The following FAM117B variants were observed in gnomAD, a reference collection of about 807,000 sequenced individuals.
The protein encoded by FAM117B is family with sequence similarity 117 member B.
Under a neutral mutation model 52.8 loss-of-function variants are expected in FAM117B, and 22 were observed. That is an observed-to-expected ratio of 0.42 (90% CI 0.30 to 0.59). The LOEUF (loss-of-function observed/expected upper bound fraction) is 0.59. Among genes scored for constraint, FAM117B ranks in the 20% least tolerant of loss-of-function variants. FAM117B has a pLI of 0.22. For missense variants in FAM117B, 678 were observed against 802.6 expected (o/e 0.84, Z 1.88); for synonymous variants, 309 against 324.1 (o/e 0.95, Z 0.50).
intron 1 of FAM117B, among the ~76,000 whole-genome samples, chr2:202,657,142 C>T (rs1293761754): frequency 1.3e-5 from 2 of 152,120 alleles, no homozygotes; most frequent in African/African-American, 2.4e-5. Context: ...GGCTGGAGTG[C>T]AGTGGCATGA....
At chr2:202,645,425 G>C (rs1449122012) in intron 1 of FAM117B, among the ~76,000 whole-genome samples, 2 of 151,324 alleles carry the variant, frequency 1.3e-5, no homozygotes, top group Non-Finnish European at 2.9e-5. Flanking sequence ...GAGTAGCTGG[G>C]ACTACAGGCG....
At chr2:202,747,560 A>C (rs1025620695) in intron 4 of FAM117B, among the ~76,000 whole-genome samples, 1 of 152,186 alleles carries the variant, frequency 6.6e-6, no homozygotes, top group African/African-American at 2.4e-5. Context: ...AAGAACCAAA[A>C]GACTACAAAA....
intron 1 of FAM117B, among the ~76,000 whole-genome samples, chr2:202,654,527 G>A (rs10176184): frequency 0.09 from 13,665 of 151,912 alleles, 2,072 homozygotes; most frequent in African/African-American, 0.31. Flanking sequence ...GGAAAATTGT[G>A]TATTTCTAGT....
chr2:202,662,118 A>G (rs1039933994), intron 1 of FAM117B, among the ~76,000 whole-genome samples: 54 of 127,940 alleles, frequency 4.2e-4, no homozygotes, highest in African/African-American at 1.6e-3. Flanking sequence ...AATGTGAGGT[A>G]GGTGTGTGTG....
At chr2:202,680,378 C>T (rs1465952565) in intron 1 of FAM117B, among the ~76,000 whole-genome samples, 1 of 151,982 alleles carries the variant, frequency 6.6e-6, no homozygotes, top group Admixed American at 6.6e-5. Context: ...ATGTAACAAA[C>T]CTGCACTTTG....
At chr2:202,656,122 G>C (rs1442771049) in intron 1 of FAM117B, among the ~76,000 whole-genome samples, 2 of 152,084 alleles carry the variant, frequency 1.3e-5, no homozygotes, top group Non-Finnish European at 2.9e-5. Flanking sequence ...TCTTTGTTTG[G>C]TCAGAATGGC....
chr2:202,759,470 C>T, intron 7 of FAM117B, 117 bp downstream of exon 7: 1 of 1,309,892 alleles, frequency 7.6e-7, no homozygotes, highest in Non-Finnish European at 1.0e-6. Flanking sequence ...GGTCACACTG[C>T]AACCTCTACC....
At chr2:202,676,391 T>C (rs950601212) in intron 1 of FAM117B, among the ~76,000 whole-genome samples, 3 of 122,972 alleles carry the variant, frequency 2.4e-5, no homozygotes, top group African/African-American at 5.8e-5. Context: ...TTTTTTTTTT[T>C]CTTTTGAGAT....
At chr2:202,643,072 A>G (rs759519217) in intron 1 of FAM117B, among the ~76,000 whole-genome samples, 1 of 152,162 alleles carries the variant, frequency 6.6e-6, no homozygotes, top group African/African-American at 2.4e-5. Flanking sequence ...AAGTAGTTTG[A>G]GAAGCATGTT....
intron 2 of FAM117B, among the ~76,000 whole-genome samples, chr2:202,700,342 G>A (rs1452272833): frequency 2.0e-5 from 3 of 152,168 alleles, no homozygotes; most frequent in African/African-American, 7.2e-5. Context: ...ACTTGAATGA[G>A]CATTATGAAT....
intron 1 of FAM117B, among the ~76,000 whole-genome samples, chr2:202,680,012 A>C (rs1690439157): frequency 6.6e-6 from 1 of 152,190 alleles, no homozygotes. Flanking sequence ...AATATATTGA[A>C]AAGAACTGAT....
chr2:202,635,633 C>T lies in FAM117B; in HGVS notation c.446C>T (p.Thr149Ile), dbSNP rs1465677598. The stretch of plus-strand genomic sequence containing the variant: ...CCGCCGCCGCCGCCGCTGCTGGGCA[C>T]CGTGTCGTCGCCCAGCTCGTCGCCC... ...RPPPPPPLLG[T>I]VSSPSSSPTH... Residue 149 changes from threonine to isoleucine, a missense_variant, in exon 1 of 8, where the codon ACC (threonine) becomes ATC (isoleucine). Around this residue, in one of 3 missense-constraint regions of FAM117B, gnomAD observed 583 missense variants for 644.8 expected, o/e 0.90. Transcript: ENST00000392238. 8 of 1,327,752 alleles carry T rather than the reference C, an allele frequency of 6.0e-6. No homozygotes were observed. Among genetic ancestry groups the T allele is most frequent in the South Asian group, 2.0e-5 (1 of 50,304 alleles). 82.2% of individuals were successfully genotyped at this position (1,327,752 alleles called of 1,614,324 possible).
intron 4 of FAM117B, among the ~76,000 whole-genome samples, chr2:202,745,338 A>C (rs1335886358): frequency 6.6e-6 from 1 of 152,140 alleles, no homozygotes; most frequent in Admixed American, 6.5e-5. Flanking sequence ...GAGGGAATTA[A>C]TCACCACTAG....
At chr2:202,663,015 C>G (rs1690153445) in intron 1 of FAM117B, among the ~76,000 whole-genome samples, 1 of 152,166 alleles carries the variant, frequency 6.6e-6, no homozygotes. Flanking sequence ...TTTTTAGCTT[C>G]AGAATAATGA....
intron 3 of FAM117B, among the ~76,000 whole-genome samples, 182 bp from the exon 4 acceptor site, chr2:202,726,068 A>G (rs1374495658): frequency 1.3e-5 from 2 of 152,228 alleles, no homozygotes; most frequent in Non-Finnish European, 2.9e-5. Flanking sequence ...GTTGGAACAT[A>G]TACACATACA....
intron 4 of FAM117B, among the ~76,000 whole-genome samples, chr2:202,754,059 A>G (rs1230300448): frequency 2.0e-5 from 3 of 152,240 alleles, no homozygotes; most frequent in Non-Finnish European, 4.4e-5. Flanking sequence ...TCATTCTACT[A>G]TAAAGACACA....
chr2:202,757,344 C>A lies in FAM117B; in HGVS notation c.1236C>A (p.Ser412=), dbSNP rs752843146. The A allele has an allele frequency of 1.1e-5, 17 of 1,613,992 alleles. No homozygotes were observed. The highest frequency in any genetic ancestry group is 1.3e-5 in the Non-Finnish European group (15 of 1,180,036). Residue 412 remains serine (S), a synonymous_variant, in exon 6 of 8, where the codon TCC becomes TCA. Transcript: ENST00000392238. ...GCAACAACAGCAGCCGTTCCCAGTC[C>A]GTGTCCCCAACATCGTTCCTCACCA... ...RGSNNSSRSQ[S]VSPTSFLTIS...
At chr2:202,714,687 A>G (rs530940981) in intron 2 of FAM117B, among the ~76,000 whole-genome samples, 2 of 151,946 alleles carry the variant, frequency 1.3e-5, no homozygotes, top group Non-Finnish European at 2.9e-5. Flanking sequence ...GGCCTTCCGC[A>G]GTGTTTGTGT....
chr2:202,675,180 A>C (rs117399800), intron 1 of FAM117B, among the ~76,000 whole-genome samples: 3,686 of 151,946 alleles, frequency 0.024, 178 homozygotes, highest in East Asian at 0.15. Context: ...GGTCATAATG[A>C]GTGCCACTAC....
Sources: gnomAD v4.1 joint callset for allele counts (sites outside exome capture counted in the v4.1 genomes callset) on GRCh38, gnomAD v4.1.1 for gene constraint, gnomAD v4.1.1 regional missense constraint, MANE v1.5 for transcripts, NCBI Gene and HGNC (gene_info 2026-07-23, HGNC 2026-07-21) for gene names.